The following TENM3 variants were observed in gnomAD, a reference collection of about 807,000 sequenced individuals.
The protein encoded by TENM3 is teneurin-3.
Under a neutral mutation model 255.1 loss-of-function variants are expected in TENM3, and 63 were observed. The observed-to-expected ratio is 0.25, with a 90% confidence interval of 0.20 to 0.30. The LOEUF is 0.30. TENM3 is among the 10% of genes least tolerant of loss of function. The probability of loss-of-function intolerance (pLI) is 1.00; values close to 1 mark genes in which losing one functional copy is unlikely to be tolerated. For missense variants in TENM3, 2,929 were observed against 3,461.1 expected (o/e 0.85, Z 3.86); for synonymous variants, 1,306 against 1,322.3 (o/e 0.99, Z 0.27).
At chr4:181,593,302 G>A in the TENM3 span, among the ~76,000 whole-genome samples, 18 of 152,270 alleles carry the variant, frequency 1.2e-4, no homozygotes, top group African/African-American at 4.3e-4. Context: ...CGCTTCCTAG[G>A]TTTTTATAAA....
chr4:182,279,153 G>C (rs1760205045), intron 1 of TENM3, among the ~76,000 whole-genome samples: 2 of 152,212 alleles, frequency 1.3e-5, no homozygotes, highest in Admixed American at 1.3e-4. Flanking sequence ...GCCTTCCCTT[G>C]AGTGATCCGC....
intron 12 of TENM3, among the ~76,000 whole-genome samples, chr4:182,710,050 A>G (rs1427765234): frequency 6.6e-6 from 1 of 152,214 alleles, no homozygotes; most frequent in Admixed American, 6.5e-5. Context: ...GGCTGATTAG[A>G]AATAATTTTG....
the TENM3 span, among the ~76,000 whole-genome samples, chr4:181,751,303 G>C: frequency 2.2e-4 from 33 of 149,850 alleles, 1 homozygote; most frequent in Non-Finnish European, 3.4e-4. Flanking sequence ...TTTAACTCAA[G>C]AATTAATTTG....
At chr4:181,518,059 A>T in the TENM3 span, among the ~76,000 whole-genome samples, 3 of 152,204 alleles carry the variant, frequency 2.0e-5, no homozygotes, top group Non-Finnish European at 4.4e-5. Flanking sequence ...GTCAATTTAA[A>T]GTGACATGGG....
chr4:182,778,648 C>A (rs1764890633), intron 24 of TENM3, among the ~76,000 whole-genome samples: 1 of 152,168 alleles, frequency 6.6e-6, no homozygotes, highest in Non-Finnish European at 1.5e-5. Flanking sequence ...GCGTCATATT[C>A]TTTTCAAGCA....
chr4:182,336,155 T>G (rs1022836006), intron 2 of TENM3, among the ~76,000 whole-genome samples: 1 of 152,192 alleles, frequency 6.6e-6, no homozygotes, highest in African/African-American at 2.4e-5. Flanking sequence ...ATGGAAGCCA[T>G]GCCCTAGAGT....
At chr4:182,093,837 G>A in the TENM3 span, among the ~76,000 whole-genome samples, 5 of 152,054 alleles carry the variant, frequency 3.3e-5, no homozygotes, top group African/African-American at 1.2e-4. Context: ...GGGGCCCACG[G>A]TACTTTCAGG....
chr4:181,565,427 G>GAA, the TENM3 span, among the ~76,000 whole-genome samples: 2 of 152,182 alleles, frequency 1.3e-5, no homozygotes, highest in Non-Finnish European at 2.9e-5. Context: ...CTTAGTCTTA[G>GAA]AGATACATCA....
chr4:182,230,881 G>A (rs1398228742), intron 1 of TENM3, among the ~76,000 whole-genome samples: 2 of 115,446 alleles, frequency 1.7e-5, no homozygotes, highest in South Asian at 3.0e-4. Context: ...CCTGTTCTCC[G>A]ATAATTACAG....
the TENM3 span, among the ~76,000 whole-genome samples, chr4:181,540,786 G>T: frequency 1.3e-5 from 2 of 152,150 alleles, no homozygotes; most frequent in South Asian, 4.1e-4. Flanking sequence ...CTCAGGGGAC[G>T]TGATGCCTAA....
chr4:182,655,560 T>C (rs965668374), intron 6 of TENM3, among the ~76,000 whole-genome samples: 2 of 152,164 alleles, frequency 1.3e-5, no homozygotes, highest in South Asian at 2.1e-4. Flanking sequence ...AAGCCTATAT[T>C]CAAATCCTCG....
At chr4:182,358,444 A>G (rs896571651) in intron 3 of TENM3, among the ~76,000 whole-genome samples, 1 of 151,938 alleles carries the variant, frequency 6.6e-6, no homozygotes, top group Admixed American at 6.6e-5. Context: ...ATCCCTTGTA[A>G]GGTGGATTCC....
At chr4:182,547,210 A>G (rs944992333) in intron 3 of TENM3, among the ~76,000 whole-genome samples, 2 of 152,122 alleles carry the variant, frequency 1.3e-5, no homozygotes, top group Non-Finnish European at 2.9e-5. Flanking sequence ...CTTAGTACAA[A>G]AAAACACTGC....
chr4:182,119,611 G>A, the TENM3 span, among the ~76,000 whole-genome samples: 3 of 152,110 alleles, frequency 2.0e-5, no homozygotes, highest in Non-Finnish European at 2.9e-5. Flanking sequence ...AGAAGTTGTT[G>A]ATTTCCAGTT....
intron 3 of TENM3, among the ~76,000 whole-genome samples, chr4:182,364,908 G>C (rs1423968065): frequency 6.6e-6 from 1 of 152,122 alleles, no homozygotes; most frequent in African/African-American, 2.4e-5. Context: ...CTCTAATTCT[G>C]TTATTACCTT....
intron 1 of TENM3, among the ~76,000 whole-genome samples, chr4:182,293,952 A>G (rs531292375): frequency 6.6e-6 from 1 of 152,288 alleles, no homozygotes; most frequent in Admixed American, 6.5e-5. Flanking sequence ...GACAATGACA[A>G]TTAGTGGCAT....
At chr4:182,223,703 G>A (rs1001644766) in intron 1 of TENM3, among the ~76,000 whole-genome samples, 2 of 141,052 alleles carry the variant, frequency 1.4e-5, no homozygotes, top group Admixed American at 7.7e-5. Flanking sequence ...AGATGTTTCT[G>A]TAATATTGAG....
chr4:181,526,794 C>T, the TENM3 span, among the ~76,000 whole-genome samples: 2 of 152,196 alleles, frequency 1.3e-5, no homozygotes, highest in African/African-American at 4.8e-5. Flanking sequence ...TTTCTTCTGT[C>T]TTCCTCTAAA....
At chr4:181,520,627 G>A in the TENM3 span, among the ~76,000 whole-genome samples, 1 of 151,910 alleles carries the variant, frequency 6.6e-6, no homozygotes, top group Non-Finnish European at 1.5e-5. Flanking sequence ...AGGAGCAAAG[G>A]TTTTCAGGAA....
Sources: gnomAD v4.1 joint callset for allele counts (sites outside exome capture counted in the v4.1 genomes callset) on GRCh38, gnomAD v4.1.1 for gene constraint, MANE v1.5 for transcripts, NCBI Gene and HGNC (gene_info 2026-07-23, HGNC 2026-07-21) for gene names.